PPFIA2: variants seen among roughly 807,000 people sequenced by gnomAD.
The protein encoded by PPFIA2 is PPFI scaffold protein A2.
PPFIA2 carries 46 observed loss-of-function variants against 175.5 expected under a neutral mutation model. The observed-to-expected ratio is 0.26, with a 90% CI of 0.21 to 0.34. The LOEUF (loss-of-function observed/expected upper bound fraction) is 0.34. Ranked by LOEUF, PPFIA2 falls within the 10% of genes least tolerant of loss-of-function variation. PPFIA2 has a pLI of 1.00. For missense variants in PPFIA2, 1,179 were observed against 1,506.1 expected, an observed-to-expected ratio of 0.78 and a Z score of 3.60; for synonymous variants, 568 against 511.4, an observed-to-expected ratio of 1.11 and a Z score of -1.49.
In PPFIA2 at chr12:81,438,195, C is replaced by T. The variant is rs148886068; in HGVS notation, c.645+1777G>A. Reference sequence around the variant, plus strand: ...TTTGAAGAACAAAAGAGTGGCTGGGCGCGGTGGCTCACGCGTGTAATCCCA... The same window carrying T: ...TTTGAAGAACAAAAGAGTGGCTGGGTGCGGTGGCTCACGCGTGTAATCCCA... On this transcript the variant is annotated intron_variant, in intron 7 of 32. Transcript: ENST00000549396. 2.8e-3 allele frequency among the ~76,000 whole-genome samples: 431 copies of T among 152,102 alleles called. 2 individuals are homozygous for T. Among genetic ancestry groups the T allele is most frequent in the African/African-American group, 9.8e-3 (407 of 41,502 alleles).
chr12:81,671,063 C>T (rs555796097), intron 4 of PPFIA2, among the ~76,000 whole-genome samples: 1 of 152,020 alleles, frequency 6.6e-6, no homozygotes, highest in Admixed American at 6.6e-5. Flanking sequence ...TGAGACCTCA[C>T]CTTTAAATTT....
intron 3 of PPFIA2, among the ~76,000 whole-genome samples, chr12:81,689,684 A>G (rs2074984146): frequency 6.6e-6 from 1 of 152,066 alleles, no homozygotes; most frequent in South Asian, 2.1e-4. Flanking sequence ...TACAACTAAA[A>G]TAAAGCTTTA....
At chr12:81,303,014 GA>G (rs1355392132) in intron 22 of PPFIA2, among the ~76,000 whole-genome samples, 1 of 152,146 alleles carries the variant, frequency 6.6e-6, no homozygotes, top group Non-Finnish European at 1.5e-5. Context: ...ATAGTGATCT[GA>G]ACTGTATAAG....
chr12:81,438,384 C>A (rs1208779264), intron 7 of PPFIA2, among the ~76,000 whole-genome samples: 1 of 152,112 alleles, frequency 6.6e-6, no homozygotes, highest in Non-Finnish European at 1.5e-5. Flanking sequence ...AGTAGAATTG[C>A]TTGAACCCAG....
intron 4 of PPFIA2, among the ~76,000 whole-genome samples, chr12:81,633,139 G>C (rs1190462162): frequency 3.9e-5 from 6 of 152,072 alleles, no homozygotes. Context: ...GCTTCTGTCT[G>C]ACTTCAAAAT....
In PPFIA2 at chr12:81,607,888, G is replaced by A. The variant is rs947506217; in HGVS notation, c.303+68903C>T. On this transcript the variant is annotated intron_variant, in intron 4 of 32. Transcript: ENST00000549396. ...TCTGGTTCCATTTCTCAAGGGGGAC[G>A]GTTCTAGTTTTTGCTCATTCAGTAT... Among the ~76,000 whole-genome samples, 4 of 152,046 alleles carry A rather than the reference G, an allele frequency of 2.6e-5. 1 individual carries two copies. In the South Asian group the frequency reaches 8.3e-4, roughly 32 times the overall value.
chr12:81,477,923 T>C (rs970319642), intron 4 of PPFIA2, among the ~76,000 whole-genome samples: 1 of 152,062 alleles, frequency 6.6e-6, no homozygotes, highest in African/African-American at 2.4e-5. Flanking sequence ...GCTGGCCTCA[T>C]AAAATGAGTT....
rs1216956665 is a variant in PPFIA2, at chr12:81,689,087, T to C, written c.250-12243A>G. 2.0e-5 allele frequency among the ~76,000 whole-genome samples: 3 copies of C among 150,324 alleles called. No homozygotes were observed. The East Asian group carries it at 6.0e-4, about 30-fold the overall frequency. ...TTTGGAAGTAATAGCCTTGGAGGAATTAGATAGAGCTAGGGGGAGAGATGA... is the reference window on the plus strand; with the variant it reads ...TTTGGAAGTAATAGCCTTGGAGGAACTAGATAGAGCTAGGGGGAGAGATGA... On this transcript the variant is annotated intron_variant, in intron 3 of 32. Coordinates refer to ENST00000549396, the MANE Select transcript of PPFIA2 (RefSeq NM_003625.5).
At chr12:81,611,053 C>A (rs1328870118) in intron 4 of PPFIA2, among the ~76,000 whole-genome samples, 1 of 152,184 alleles carries the variant, frequency 6.6e-6, no homozygotes, top group East Asian at 1.9e-4. Context: ...TAATGGCTGG[C>A]AGCTAGGCTG....
intron 22 of PPFIA2, among the ~76,000 whole-genome samples, chr12:81,307,137 T>C (rs1239549988): frequency 6.6e-6 from 1 of 152,158 alleles, no homozygotes; most frequent in Non-Finnish European, 1.5e-5. Context: ...ATATGAAATA[T>C]TTTGTGATCA....
At chr12:81,510,541 T>C (rs909382522) in intron 4 of PPFIA2, among the ~76,000 whole-genome samples, 2 of 152,138 alleles carry the variant, frequency 1.3e-5, no homozygotes, top group African/African-American at 4.8e-5. Flanking sequence ...TCTTTAATTC[T>C]AAAGACAACA....
intron 4 of PPFIA2, among the ~76,000 whole-genome samples, chr12:81,536,175 G>A (rs1369722793): frequency 6.6e-6 from 1 of 151,642 alleles, no homozygotes; most frequent in Non-Finnish European, 1.5e-5. Flanking sequence ...TCACAACAAA[G>A]CTGACAACTA....
chr12:81,570,659 G>A (rs1245466157), intron 4 of PPFIA2, among the ~76,000 whole-genome samples: 1 of 149,852 alleles, frequency 6.7e-6, no homozygotes, highest in Non-Finnish European at 1.5e-5. Flanking sequence ...TTAAAAAGGG[G>A]GAATTTATCT....
At chr12:81,667,307 T>C (rs188419901) in intron 4 of PPFIA2, among the ~76,000 whole-genome samples, 1 of 152,216 alleles carries the variant, frequency 6.6e-6, no homozygotes, top group East Asian at 1.9e-4. Context: ...TCAACGAAAA[T>C]AGATTTAAAT....
intron 16 of PPFIA2, among the ~76,000 whole-genome samples, chr12:81,354,378 A>G (rs1017108218): frequency 6.6e-6 from 1 of 152,198 alleles, no homozygotes; most frequent in African/African-American, 2.4e-5. Flanking sequence ...CATTTTAACA[A>G]TGTTCACCAA....
At chr12:81,284,128 T>C in intron 25 of PPFIA2, 113 bp downstream of exon 25, 1 of 801,992 alleles carries the variant, frequency 1.2e-6, no homozygotes, top group East Asian at 2.7e-5. Flanking sequence ...TCATTGCATG[T>C]AACTATAAAA....
chr12:81,374,753 T>G lies in PPFIA2; in HGVS notation c.1147A>C (p.Arg383=). ...AILRQMEEKN[R]QLQERLELAE... is the part of the protein sequence containing the mutation. ...AGCTCAAGACGTTCTTGTAACTGTC[T>G]GTTTTTCTCTTCCATCTGAAATGGG... is the stretch of plus-strand genomic sequence containing the variant. Residue 383 remains arginine (R), a synonymous_variant, in exon 11 of 33, where the codon AGA becomes CGA. Transcript: ENST00000549396. 3.1e-6 allele frequency: 5 copies of G among 1,612,606 alleles called. No individual in the cohort carries two copies. Among genetic ancestry groups the G allele is most frequent in the Middle Eastern group, 1.7e-4 (1 of 6,058 alleles).
At chr12:81,557,255 T>C (rs1567318599) in intron 4 of PPFIA2, among the ~76,000 whole-genome samples, 1 of 151,780 alleles carries the variant, frequency 6.6e-6, no homozygotes, top group East Asian at 1.9e-4. Flanking sequence ...TATACGTATG[T>C]ATAGGTATAA....
chr12:81,361,083 T>C (rs1435971742), intron 15 of PPFIA2, among the ~76,000 whole-genome samples: 1 of 151,672 alleles, frequency 6.6e-6, no homozygotes, highest in Non-Finnish European at 1.5e-5. Context: ...GATCAAAGAA[T>C]AATTGTTCTA....
Sources: allele counts gnomAD v4.1 joint callset (sites outside exome capture counted in the v4.1 genomes callset), GRCh38; gene constraint gnomAD v4.1.1; transcripts MANE v1.5; gene names NCBI Gene and HGNC (gene_info 2026-07-23, HGNC 2026-07-21).